MROH1: variants seen among roughly 807,000 people sequenced by gnomAD.
MROH1 encodes maestro heat-like repeat-containing protein family member 1.
A neutral mutation model predicts 116.5 loss-of-function variants in MROH1; 117 were observed. That is an observed-to-expected ratio of 1.00 (90% CI 0.86 to 1.17). MROH1 has a LOEUF of 1.17. MROH1 is among the 50% of genes most tolerant of loss of function. The pLI, the probability that MROH1 is intolerant of heterozygous loss-of-function variation, is 0.00. For missense variants in MROH1, 1,873 were observed against 1,338.5 expected, an observed-to-expected ratio of 1.40 and a Z score of -6.23; for synonymous variants, 921 against 583.9, an observed-to-expected ratio of 1.58 and a Z score of -8.32.
intron 7 of MROH1, among the ~76,000 whole-genome samples, chr8:144,186,686 G>C (rs753482602): frequency 6.6e-6 from 1 of 152,228 alleles, no homozygotes; most frequent in Non-Finnish European, 1.5e-5. Context: ...TGTCCTGACG[G>C]GGGGGTCACC....
intron 12 of MROH1, among the ~76,000 whole-genome samples, chr8:144,206,364 C>T (rs1342401295): frequency 6.6e-6 from 1 of 151,986 alleles, no homozygotes; most frequent in Non-Finnish European, 1.5e-5. Flanking sequence ...TATTCTGTTA[C>T]ATTTTCTGAA....
At chr8:144,238,016 C>A (rs1230060028) in intron 14 of MROH1, among the ~76,000 whole-genome samples, 1 of 152,160 alleles carries the variant, frequency 6.6e-6, no homozygotes, top group African/African-American at 2.4e-5. Flanking sequence ...TATATTGAAT[C>A]TGGCCAGGTT....
intron 14 of MROH1, among the ~76,000 whole-genome samples, chr8:144,234,254 C>T (rs893011260): frequency 1.4e-4 from 22 of 152,030 alleles, no homozygotes; most frequent in African/African-American, 2.9e-4. Context: ...CGTGATCCGC[C>T]GGCCTCGGCC....
chr8:144,249,129 G>A (rs1842410568), intron 32 of MROH1, 100 bp downstream of exon 32: 6 of 691,070 alleles, frequency 8.7e-6, no homozygotes, highest in South Asian at 7.6e-5. Context: ...TTGGAGAGGT[G>A]GCACTGCGGG....
chr8:144,249,055 T>G (rs1298403167), intron 32 of MROH1, 26 bp downstream of exon 32: 64,726 of 327,562 alleles, frequency 0.2, 6,728 homozygotes, highest in African/African-American at 0.45. Context: ...GCGCGGGGGG[T>G]GCTCCAGGAG....
At chr8:144,244,741 C>A (rs1375503689) in intron 28 of MROH1, among the ~76,000 whole-genome samples, 1 of 152,202 alleles carries the variant, frequency 6.6e-6, no homozygotes, top group South Asian at 2.1e-4. Context: ...CAGGTGGGAC[C>A]TCTGGAGCCT....
At chr8:144,234,650 G>A (rs1445862257) in intron 14 of MROH1, among the ~76,000 whole-genome samples, 5 of 146,892 alleles carry the variant, frequency 3.4e-5, no homozygotes, top group Non-Finnish European at 7.5e-5. Context: ...CTGAGTAGCT[G>A]GGATTACAGG....
Position 144,180,507 on chromosome 8 carries a change from C to T in MROH1, c.546C>T (p.Arg182=), listed in dbSNP as rs374628763. ...VLGVAKQDTV[R]VAFCSALQRF... is the part of the protein sequence containing the mutation. ...GCGTGGCCAAGCAGGACACGGTGCG[C>T]GTGGCCTTCTGCTCCGGTAAGAGGC... The change falls in exon 7 of 44, where the codon CGC becomes CGT. Residue 182 remains arginine (R), a synonymous_variant. Transcript: ENST00000326134. The surrounding 1 kb of genome is among the most constrained non-coding windows in gnomAD (Gnocchi z 7.4). 3.8e-5 allele frequency: 61 copies of T among 1,610,648 alleles called. No homozygotes were observed. The highest frequency in any genetic ancestry group is 4.7e-5 in the Non-Finnish European group (55 of 1,179,808).
intron 12 of MROH1, among the ~76,000 whole-genome samples, chr8:144,207,218 G>A (rs1479329643): frequency 6.6e-6 from 1 of 151,312 alleles, no homozygotes; most frequent in East Asian, 2.0e-4. Flanking sequence ...AGATGGAGTC[G>A]TGCTCTGTCA....
chr8:144,202,681 CTG>C (rs1283849121), intron 12 of MROH1, among the ~76,000 whole-genome samples: 1 of 110,202 alleles, frequency 9.1e-6, no homozygotes, highest in Non-Finnish European at 1.8e-5. Flanking sequence ...CACCCGCTCT[CTG>C]TGGAGGGGTT....
chr8:144,169,561 C>T (rs1030963440), intron 4 of MROH1, among the ~76,000 whole-genome samples: 2 of 151,132 alleles, frequency 1.3e-5, no homozygotes, highest in Admixed American at 1.3e-4. Flanking sequence ...AAGCGATTCT[C>T]CTGTCTCAGC....
chr8:144,234,497 C>CTTTTTTTTTTTTTT (rs1554823930), intron 14 of MROH1, among the ~76,000 whole-genome samples: 1 of 20,630 alleles, frequency 4.8e-5, no homozygotes, highest in Non-Finnish European at 1.1e-4. Flanking sequence ...CTTTCTTTTT[C>CTTTTTTTTTTTTTT]GTTTTTTTTT....
At chr8:144,223,697 G>A (rs1315219491) in intron 14 of MROH1, among the ~76,000 whole-genome samples, 1 of 152,208 alleles carries the variant, frequency 6.6e-6, no homozygotes, top group Non-Finnish European at 1.5e-5. Flanking sequence ...GGTAGAACGT[G>A]GTGAAATAAC....
At chr8:144,237,127 G>A (rs1399663026) in intron 14 of MROH1, among the ~76,000 whole-genome samples, 1 of 151,538 alleles carries the variant, frequency 6.6e-6, no homozygotes, top group Admixed American at 6.6e-5. Flanking sequence ...GGATGGTCTC[G>A]ATCTCCTGAC....
chr8:144,179,121 G>A (rs112194547), intron 4 of MROH1, among the ~76,000 whole-genome samples: 2,042 of 152,208 alleles, frequency 0.013, 27 homozygotes, highest in Non-Finnish European at 0.021. Flanking sequence ...CTCTGACAGG[G>A]GAGGGCAGGG....
intron 14 of MROH1, among the ~76,000 whole-genome samples, chr8:144,236,150 T>C (rs1839999277): frequency 2.0e-5 from 3 of 152,214 alleles, no homozygotes; most frequent in Non-Finnish European, 4.4e-5. Context: ...CTGGATACTT[T>C]CAAAGAATTG....
intron 1 of MROH1, among the ~76,000 whole-genome samples, chr8:144,158,763 C>T (rs1450260264): frequency 1.3e-5 from 2 of 150,356 alleles, no homozygotes; most frequent in East Asian, 2.0e-4. Context: ...TAATTTTTAG[C>T]GACAGGGTCT....
rs2130129752 is a variant in MROH1, at chr8:144,261,287, T to A, written c.4778T>A (p.Phe1593Tyr). 1.3e-6 allele frequency: 1 copy of A among 741,682 alleles called. No homozygotes were observed. Among genetic ancestry groups the A allele is most frequent in the African/African-American group, 1.7e-5 (1 of 58,702 alleles). 45.9% of individuals were successfully genotyped at this position (741,682 alleles called of 1,614,324 possible). A position where few individuals can be genotyped will look rare whatever the true frequency, so the allele number is the denominator to read the frequency against. The change falls in exon 43 of 44, where the codon TTC becomes TAC. Residue 1593 changes from phenylalanine to tyrosine, a missense_variant. By Grantham distance (22) the Phe-to-Tyr change is conservative (BLOSUM62 3). Coordinates refer to ENST00000326134, the MANE Select transcript of MROH1 (RefSeq NM_032450.3). ...VRAAAPLFTG[F>Y]LVLHSEPRQQ... ...GCCTGATGCCCCCACTTCACAGGGT[T>A]CCTGGTGCTGCACTCGGAGCCCAGG...
intron 4 of MROH1, among the ~76,000 whole-genome samples, chr8:144,171,204 G>T (rs1822352983): frequency 6.6e-6 from 1 of 152,186 alleles, no homozygotes; most frequent in South Asian, 2.1e-4. Context: ...GGTGTGGCCT[G>T]TGCTTCTGAC....
Sources: allele counts gnomAD v4.1 joint callset (sites outside exome capture counted in the v4.1 genomes callset), GRCh38; gene constraint gnomAD v4.1.1; non-coding constraint Gnocchi (gnomAD v3.1); transcripts MANE v1.5; gene names NCBI Gene and HGNC (gene_info 2026-07-23, HGNC 2026-07-21).